NCOA2: variants seen among roughly 807,000 people sequenced by gnomAD.
NCOA2 encodes the protein class E basic helix-loop-helix protein 75.
A neutral mutation model predicts 145.1 loss-of-function variants in NCOA2; 21 were observed. That is an observed-to-expected ratio of 0.14 (90% CI 0.10 to 0.21). NCOA2 has a LOEUF of 0.21. NCOA2 is among the 10% of genes least tolerant of loss of function. The pLI is 1.00. For missense variants in NCOA2, 1,472 were observed against 1,837.6 expected, an observed-to-expected ratio of 0.80 and a Z score of 3.64; for synonymous variants, 619 against 637.5, an observed-to-expected ratio of 0.97 and a Z score of 0.44.
the NCOA2 span, among the ~76,000 whole-genome samples, chr8:70,450,570 A>ACTCTTTTTTT: frequency 1.6e-5 from 1 of 61,130 alleles, no homozygotes; most frequent in Admixed American, 1.3e-4. Context: ...ACTTCTTTTT[A>ACTCTTTTTTT]TTCTTTTTTT....
At chr8:70,263,686 G>C (rs932622035) in intron 2 of NCOA2, among the ~76,000 whole-genome samples, 2 of 151,378 alleles carry the variant, frequency 1.3e-5, no homozygotes, top group African/African-American at 4.9e-5. Flanking sequence ...CCGAGATCGC[G>C]CCACTGCACT....
intron 1 of NCOA2, among the ~76,000 whole-genome samples, chr8:70,307,754 T>C (rs891734404): frequency 6.6e-6 from 1 of 152,234 alleles, no homozygotes; most frequent in African/African-American, 2.4e-5. Context: ...GAACTCAATG[T>C]AACCTGAGCT....
chr8:70,384,930 T>C (rs528910337), intron 1 of NCOA2, among the ~76,000 whole-genome samples: 1 of 152,344 alleles, frequency 6.6e-6, no homozygotes, highest in East Asian at 1.9e-4. Flanking sequence ...TAAGGGATTG[T>C]AATAATAATC....
intron 16 of NCOA2, among the ~76,000 whole-genome samples, chr8:70,130,522 A>G (rs1378503789): frequency 6.6e-6 from 1 of 151,604 alleles, no homozygotes; most frequent in African/African-American, 2.4e-5. Context: ...TCACACAGGA[A>G]ATACTTAAAC....
At chr8:70,403,637 G>GCGCCCCCCGCCTGCCGCC (rs1241572384) in intron 1 of NCOA2, 63 bp downstream of exon 1, 6 of 348,372 alleles carry the variant, frequency 1.7e-5, no homozygotes, top group Middle Eastern at 7.5e-4. Context: ...TGGGGACGCG[G>GCGCCCCCCGCCTGCCGCC]CGCCCCCCGC....
At chr8:70,396,011 G>A (rs1353175138) in intron 1 of NCOA2, among the ~76,000 whole-genome samples, 1 of 152,186 alleles carries the variant, frequency 6.6e-6, no homozygotes, top group African/African-American at 2.4e-5. Flanking sequence ...GCAAACAATT[G>A]AGCAGACAGA....
the NCOA2 span, chr8:70,424,465 C>A: frequency 2.0e-6 from 1 of 509,372 alleles, no homozygotes. Flanking sequence ...AGCATATCTT[C>A]GACCCACACC....
At chr8:70,228,154 A>G (rs1820829035) in intron 2 of NCOA2, among the ~76,000 whole-genome samples, 1 of 152,142 alleles carries the variant, frequency 6.6e-6, no homozygotes, top group Non-Finnish European at 1.5e-5. Flanking sequence ...GTGAATCAAA[A>G]CCCTTAATTT....
chr8:70,264,659 A>AT (rs1259463437), intron 2 of NCOA2, among the ~76,000 whole-genome samples: 1 of 152,244 alleles, frequency 6.6e-6, no homozygotes, highest in Non-Finnish European at 1.5e-5. Context: ...AGAAACTGTC[A>AT]TATCTATGTA....
intron 2 of NCOA2, among the ~76,000 whole-genome samples, chr8:70,254,492 C>T (rs1183927175): frequency 6.6e-6 from 1 of 152,084 alleles, no homozygotes; most frequent in Non-Finnish European, 1.5e-5. Context: ...GACGAATAAA[C>T]AAAATGTGGT....
chr8:70,253,688 T>C (rs926687661), intron 2 of NCOA2, among the ~76,000 whole-genome samples: 11 of 151,996 alleles, frequency 7.2e-5, no homozygotes, highest in African/African-American at 1.7e-4. Context: ...ATTGGGAAAA[T>C]TGGATATCCT....
At chr8:70,308,813 T>C (rs1407758912) in intron 1 of NCOA2, among the ~76,000 whole-genome samples, 2 of 152,170 alleles carry the variant, frequency 1.3e-5, no homozygotes, top group Non-Finnish European at 2.9e-5. Flanking sequence ...CACAGCCTAA[T>C]AGTGTTAATA....
At position 70,158,347 on chromosome 8, in the gene NCOA2, T is replaced by C. The variant is rs566090893; in HGVS notation, c.1125-1107A>G. 1.1e-3 allele frequency among the ~76,000 whole-genome samples: 167 copies of C among 152,348 alleles called. 1 individual carries two copies. Among genetic ancestry groups the C allele is most frequent in the Non-Finnish European group, 1.8e-3 (124 of 68,028 alleles). On this transcript the variant is annotated intron_variant, in intron 10 of 22. Coordinates refer to ENST00000452400, the MANE Select transcript of NCOA2 (RefSeq NM_006540.4). ...AGATAACTAATGAAATTTAATCATT[T>C]TCCTAAATATGTGCTCTAAGACAAT...
At chr8:70,308,358 G>T (rs1563747823) in intron 1 of NCOA2, among the ~76,000 whole-genome samples, 1 of 151,882 alleles carries the variant, frequency 6.6e-6, no homozygotes, top group Non-Finnish European at 1.5e-5. Flanking sequence ...TTGCAGATTT[G>T]GGAAAAATTT....
chr8:70,211,376 T>C (rs1053866692), intron 4 of NCOA2, among the ~76,000 whole-genome samples: 2 of 151,872 alleles, frequency 1.3e-5, no homozygotes, highest in African/African-American at 4.8e-5. Flanking sequence ...GGAGAATCGC[T>C]TGAACCCAGA....
chr8:70,405,722 T>A (rs1310453772), upstream of NCOA2, among the ~76,000 whole-genome samples: 2 of 152,086 alleles, frequency 1.3e-5, no homozygotes, highest in Non-Finnish European at 2.9e-5. Flanking sequence ...TTGCTTGCTA[T>A]CCCTCCCATT....
At chr8:70,327,337 T>C (rs12675593) in intron 1 of NCOA2, among the ~76,000 whole-genome samples, 16,010 of 152,272 alleles carry the variant, frequency 0.11, 1,290 homozygotes, top group East Asian at 0.41. Flanking sequence ...TCTCTGCACA[T>C]AAATGCATGC....
At chr8:70,166,867 C>T (rs1813674728) in intron 6 of NCOA2, 113 bp from the exon 7 acceptor site, 2 of 951,906 alleles carry the variant, frequency 2.1e-6, no homozygotes. Context: ...TTATGTACTA[C>T]TTTTATACTT....
At chr8:70,422,470 G>A in the NCOA2 span, among the ~76,000 whole-genome samples, 10 of 151,696 alleles carry the variant, frequency 6.6e-5, no homozygotes, top group South Asian at 4.2e-4. Context: ...GAGTGAAGTC[G>A]TGCAATCTCA....
Sources: gnomAD v4.1 joint callset for allele counts (sites outside exome capture counted in the v4.1 genomes callset) on GRCh38, gnomAD v4.1.1 for gene constraint, MANE v1.5 for transcripts, NCBI Gene and HGNC (gene_info 2026-07-23, HGNC 2026-07-21) for gene names.